Variants in NAV2 observed in about 807,000 individuals in gnomAD.
NAV2 encodes helicase, APC down-regulated 1.
A neutral mutation model predicts 223.2 loss-of-function variants in NAV2; 54 were observed. That is an observed-to-expected ratio of 0.24 (90% CI 0.19 to 0.30). The LOEUF is 0.30. NAV2 is among the 10% of genes least tolerant of loss of function. The pLI is 1.00. For synonymous variants in NAV2, 1,279 were observed against 1,239.3 expected, an observed-to-expected ratio of 1.03 and a Z score of -0.67; for missense variants, 2,806 against 3,147.5, an observed-to-expected ratio of 0.89 and a Z score of 2.60.
At chr11:19,562,498 A>T (rs2045135380) in intron 1 of NAV2, among the ~76,000 whole-genome samples, 1 of 151,150 alleles carries the variant, frequency 6.6e-6, no homozygotes, top group Non-Finnish European at 1.5e-5. Flanking sequence ...GACTCTTCAT[A>T]TTTTTTTTTC....
chr11:19,520,781 A>G (rs961561629), intron 1 of NAV2, among the ~76,000 whole-genome samples: 1 of 152,158 alleles, frequency 6.6e-6, no homozygotes, highest in Non-Finnish European at 1.5e-5. Context: ...GTCTCCAGGT[A>G]CCTCTGGGTA....
upstream of NAV2, among the ~76,000 whole-genome samples, chr11:19,709,754 C>T (rs1222290663): frequency 6.6e-6 from 1 of 151,726 alleles, no homozygotes; most frequent in Non-Finnish European, 1.5e-5. Context: ...CATTGCACTC[C>T]AGCTTCCAGC....
At chr11:19,590,524 T>TTTTCGG in intron 1 of NAV2, among the ~76,000 whole-genome samples, 1 of 152,312 alleles carries the variant, frequency 6.6e-6, no homozygotes, top group South Asian at 2.1e-4. Flanking sequence ...TCTGAGGTCC[T>TTTTCGG]TTTCGGTTGC....
chr11:19,709,265 A>G (rs146104061), upstream of NAV2, among the ~76,000 whole-genome samples: 425 of 152,288 alleles, frequency 2.8e-3, 2 homozygotes, highest in African/African-American at 8.9e-3. Context: ...AGATAGGGCC[A>G]GGCACGGTGG....
intron 1 of NAV2, among the ~76,000 whole-genome samples, chr11:19,741,169 G>A (rs1185901444): frequency 6.6e-6 from 1 of 152,150 alleles, no homozygotes; most frequent in Non-Finnish European, 1.5e-5. Flanking sequence ...AATTTAAGAT[G>A]TACAATCTGT....
chr11:19,780,040 A>T (rs960856089), intron 1 of NAV2, among the ~76,000 whole-genome samples: 1 of 152,252 alleles, frequency 6.6e-6, no homozygotes, highest in African/African-American at 2.4e-5. Context: ...TTGTTTGAAT[A>T]GTAGAATTAA....
At chr11:19,899,020 T>A (rs1035459944) in intron 6 of NAV2, among the ~76,000 whole-genome samples, 6 of 152,202 alleles carry the variant, frequency 3.9e-5, no homozygotes, top group South Asian at 2.1e-4. Flanking sequence ...CCAGACTCAG[T>A]TTCCCCTCTG....
intron 1 of NAV2, among the ~76,000 whole-genome samples, chr11:19,617,209 G>A (rs1159399102): frequency 6.6e-6 from 1 of 152,164 alleles, no homozygotes. Flanking sequence ...GCAGGGTCAG[G>A]GAAAGGATGT....
At chr11:19,558,422 G>A (rs1473491113) in intron 1 of NAV2, among the ~76,000 whole-genome samples, 1 of 152,208 alleles carries the variant, frequency 6.6e-6, no homozygotes. Flanking sequence ...GTTTTACATG[G>A]CATTGTGCCA....
intron 1 of NAV2, among the ~76,000 whole-genome samples, chr11:19,646,614 C>CA (rs1379086434): frequency 3.3e-5 from 5 of 152,022 alleles, no homozygotes; most frequent in African/African-American, 1.2e-4. Context: ...GGGAGCTTCC[C>CA]AGGGTGTGGG....
At chr11:19,937,857 G>A (rs1000044872) in intron 7 of NAV2, among the ~76,000 whole-genome samples, 7 of 152,182 alleles carry the variant, frequency 4.6e-5, no homozygotes, top group Non-Finnish European at 1.0e-4. Context: ...TCGCCAACAG[G>A]AGAATAAGGA....
chr11:19,487,141 G>A (rs1487174542), intron 1 of NAV2, among the ~76,000 whole-genome samples: 1 of 152,176 alleles, frequency 6.6e-6, no homozygotes, highest in Non-Finnish European at 1.5e-5. Flanking sequence ...CCTTCCAGCT[G>A]TCCTGCTCTC....
chr11:19,982,361 G>A lies in NAV2; in HGVS notation c.2646-1764G>A, dbSNP rs1320486370. On this transcript the variant is annotated intron_variant, in intron 10 of 37. Coordinates refer to ENST00000349880, the MANE Select transcript of NAV2 (RefSeq NM_145117.5). ...CGGCTCACTGCAACCTCCACCTCCC[G>A]GGTTCAAGTGATTCTCCTGCCTCAG... is the stretch of plus-strand genomic sequence containing the variant. 3.9e-5 allele frequency among the ~76,000 whole-genome samples: 6 copies of A among 151,912 alleles called. No individual in the cohort carries two copies. In the East Asian group the frequency reaches 5.8e-4, roughly 15 times the overall value.
intron 5 of NAV2, among the ~76,000 whole-genome samples, chr11:19,881,217 C>A (rs951788226): frequency 4.6e-5 from 7 of 152,176 alleles, no homozygotes; most frequent in Admixed American, 1.3e-4. Context: ...AAAACCAGCA[C>A]TGATGGGTGT....
In NAV2 at chr11:19,702,899, G is replaced by C. The variant is rs1045534750; in HGVS notation, c.76-129585G>C. Among the ~76,000 whole-genome samples the C allele has an allele frequency of 9.3e-5, 14 of 149,996 alleles. No homozygotes were observed. In the East Asian group the frequency reaches 2.7e-3, roughly 29 times the overall value. On this transcript the variant is annotated intron_variant, in intron 1 of 37. Coordinates refer to the NAV2 transcript ENST00000360655. ...AAAAAAAAGGAAATCCCATGGAAAAGTAAGTTAAAGCCACCCATAATTCCA... is the reference window on the plus strand; with the variant it reads ...AAAAAAAAGGAAATCCCATGGAAAACTAAGTTAAAGCCACCCATAATTCCA...
At chr11:19,657,536 A>G (rs1429533076) in intron 1 of NAV2, among the ~76,000 whole-genome samples, 1 of 152,074 alleles carries the variant, frequency 6.6e-6, no homozygotes, top group Non-Finnish European at 1.5e-5. Context: ...ATTGTTGCCC[A>G]TTTCCCACCA....
At chr11:20,046,687 C>T (rs1591827779) in intron 14 of NAV2, among the ~76,000 whole-genome samples, 1 of 152,080 alleles carries the variant, frequency 6.6e-6, no homozygotes, top group South Asian at 2.1e-4. Flanking sequence ...CTTAAATAGA[C>T]ATCATTTCCC....
chr11:19,832,531 G>T lies in NAV2; in HGVS notation c.315G>T (p.Lys105Asn). The T allele has an allele frequency of 6.2e-7, 1 of 1,614,172 alleles. No homozygotes were observed. Among genetic ancestry groups the T allele is most frequent in the Non-Finnish European group, 8.5e-7 (1 of 1,180,030 alleles). Reference protein sequence around the residue: ...ANHYLAKSGHKRLIRDLQQDV... With the variant: ...ANHYLAKSGHNRLIRDLQQDV... ...ATTACCTAGCCAAATCCGGCCACAA[G>T]CGTCTCATCAGGGATCTCCAGCAAG... The change falls in exon 2 of 38, where the codon AAG becomes AAT. Residue 105 changes from lysine (K) to asparagine (N), a missense_variant. This residue lies in a region of NAV2 where 1,167 missense variants were observed against 1,180.5 expected (regional missense o/e 0.99). Transcript: ENST00000349880.
At chr11:19,931,768 C>T (rs2045368433) in intron 6 of NAV2, 1 of 152,166 alleles carries the variant, frequency 6.6e-6, no homozygotes, top group South Asian at 2.1e-4. Context: ...GGAATCATTG[C>T]AGGAGAAAGT....
Sources: gnomAD v4.1 joint callset for allele counts (sites outside exome capture counted in the v4.1 genomes callset) on GRCh38, gnomAD v4.1.1 for gene constraint, gnomAD v4.1.1 regional missense constraint, MANE v1.5 for transcripts, NCBI Gene and HGNC (gene_info 2026-07-23, HGNC 2026-07-21) for gene names.